The following PCLO variants were observed in gnomAD, a reference collection of about 807,000 sequenced individuals.
PCLO encodes the protein protein piccolo.
PCLO carries 82 observed loss-of-function variants against 427.5 expected under a neutral mutation model. The ratio of observed to expected loss-of-function variants is 0.19; its 90% CI spans 0.16 to 0.23. The LOEUF (loss-of-function observed/expected upper bound fraction) is 0.23, where lower values mean the gene tolerates loss of function less well. Among genes scored for constraint, PCLO ranks in the 10% least tolerant of loss-of-function variants. The pLI, the probability that PCLO is intolerant of heterozygous loss-of-function variation, is 1.00. For synonymous variants in PCLO, 2,357 were observed against 2,155.4 expected (o/e 1.09, Z -2.59); for missense variants, 6,239 against 6,115.9 (o/e 1.02, Z -0.67).
At chr7:83,077,759 T>C (rs1789993848) in intron 3 of PCLO, among the ~76,000 whole-genome samples, 1 of 152,044 alleles carries the variant, frequency 6.6e-6, no homozygotes, top group African/African-American at 2.4e-5. Flanking sequence ...ATTAATCATT[T>C]CCACAAATGG....
At chr7:83,038,071 ATT>A (rs1788869409) in intron 3 of PCLO, among the ~76,000 whole-genome samples, 8 of 45,930 alleles carry the variant, frequency 1.7e-4, no homozygotes, top group African/African-American at 7.6e-4. Flanking sequence ...ATATTTATAT[ATT>A]TATATATATA....
chr7:83,046,794 T>A (rs1789114419), intron 3 of PCLO, among the ~76,000 whole-genome samples: 1 of 151,904 alleles, frequency 6.6e-6, no homozygotes, highest in Non-Finnish European at 1.5e-5. Flanking sequence ...TCAATTTTTT[T>A]AAAAAAGAGC....
At chr7:83,087,347 T>C (rs1790263606) in intron 3 of PCLO, among the ~76,000 whole-genome samples, 1 of 151,772 alleles carries the variant, frequency 6.6e-6, no homozygotes. Context: ...TGCATATGGG[T>C]ACAACGTACA....
intron 10 of PCLO, among the ~76,000 whole-genome samples, chr7:82,856,934 C>T (rs1363169150): frequency 6.6e-6 from 1 of 151,906 alleles, no homozygotes; most frequent in East Asian, 1.9e-4. Flanking sequence ...TTAGTTATCC[C>T]AAAAGTGAGT....
chr7:83,081,482 T>C (rs1790098983), intron 3 of PCLO, among the ~76,000 whole-genome samples: 1 of 151,934 alleles, frequency 6.6e-6, no homozygotes, highest in Non-Finnish European at 1.5e-5. Flanking sequence ...ACCCAGACTA[T>C]ATTTAAATAC....
intron 9 of PCLO, chr7:82,879,774 G>A: frequency 2.3e-6 from 1 of 431,602 alleles, no homozygotes; most frequent in Non-Finnish European, 4.4e-6. Context: ...TTTTATGAGA[G>A]GATGTTCCCA....
chr7:82,968,378 T>C (rs1795826920), intron 3 of PCLO, among the ~76,000 whole-genome samples: 3 of 152,182 alleles, frequency 2.0e-5, no homozygotes, highest in Non-Finnish European at 4.4e-5. Context: ...ATGCTAAAAG[T>C]TCTAGCTCTT....
intron 9 of PCLO, among the ~76,000 whole-genome samples, chr7:82,887,646 G>A (rs988821301): frequency 6.6e-6 from 1 of 152,074 alleles, no homozygotes; most frequent in African/African-American, 2.4e-5. Context: ...TGTTTCTGTG[G>A]AACTCACCCT....
chr7:82,979,227 T>C (rs1481553988), intron 3 of PCLO, among the ~76,000 whole-genome samples: 2 of 151,352 alleles, frequency 1.3e-5, no homozygotes, highest in African/African-American at 4.9e-5. Context: ...AACATATAAA[T>C]AAATAAATAA....
rs114483865 is a variant in PCLO at position 83,138,825 on chromosome 7, C to T, written c.1894-3169G>A. On this transcript the variant is annotated intron_variant, in intron 2 of 24. Coordinates refer to ENST00000333891, the MANE Select transcript of PCLO (RefSeq NM_033026.6). The stretch of plus-strand genomic sequence containing the variant: ...GAGAACATCACACACTGGGGCCTCT[C>T]GGGGGGTGGGGAAATAGGGGGTGAT... 3.9e-3 allele frequency among the ~76,000 whole-genome samples: 565 copies of T among 143,278 alleles called. 6 individuals are homozygous for T. Among genetic ancestry groups the T allele is most frequent in the African/African-American group, 0.014 (533 of 38,384 alleles). 94.0% of individuals were successfully genotyped at this position (143,278 alleles called of 152,430 possible).
rs2116690969 is a variant in PCLO at position 83,155,697 on chromosome 7, G to A, written c.944C>T (p.Pro315Leu). The change falls in exon 2 of 25, where the codon CCA becomes CTA. Residue 315 changes from proline (P) to leucine (L), a missense_variant. Pro to Leu is a moderately conservative substitution (Grantham distance 98). Coordinates refer to ENST00000333891, the MANE Select transcript of PCLO (RefSeq NM_033026.6). ...PIQQPTPGKP[P>L]AQQPGHEKSQ... ...TTTTTCATGTCCAGGCTGCTGTGCT[G>A]GAGGTTTTCCAGGAGTTGGTTGCTG... 1 of 1,614,002 alleles carries A rather than the reference G, an allele frequency of 6.2e-7. No homozygotes were observed. The highest frequency in any genetic ancestry group is 1.3e-5 in the African/African-American group (1 of 75,046).
At chr7:82,866,698 C>CA in intron 10 of PCLO, among the ~76,000 whole-genome samples, 1 of 141,114 alleles carries the variant, frequency 7.1e-6, no homozygotes, top group African/African-American at 2.5e-5. Flanking sequence ...ACACACACAC[C>CA]CCTTTAATAT....
chr7:83,155,327 C>T lies in PCLO; in HGVS notation c.1314G>A (p.Lys438=). 1 of 1,613,408 alleles carries T rather than the reference C, an allele frequency of 6.2e-7. No individual in the cohort carries two copies. The highest frequency in any genetic ancestry group is 1.3e-5 in the African/African-American group (1 of 74,818). ...CTGGCCCAGGCTGCTGAACTGGAGT[C>T]TTTGTAGGCCCAGGTGCCTTAGCTG... ...QSPAKAPGPT[K]TPVQQPGPGK... is the part of the protein sequence containing the mutation. Residue 438 remains lysine, a synonymous_variant, in exon 2 of 25, where the codon AAG becomes AAA. Coordinates refer to ENST00000333891, the MANE Select transcript of PCLO (RefSeq NM_033026.6).
chr7:82,771,715 T>A (rs964526903), intron 22 of PCLO, among the ~76,000 whole-genome samples: 1 of 152,094 alleles, frequency 6.6e-6, no homozygotes, highest in Non-Finnish European at 1.5e-5. Flanking sequence ...TAATCTATTA[T>A]GTGATAATAA....
At chr7:82,802,461 G>T (rs1360815333) in intron 21 of PCLO, among the ~76,000 whole-genome samples, 1 of 152,042 alleles carries the variant, frequency 6.6e-6, no homozygotes, top group East Asian at 1.9e-4. Context: ...ATACTTTGAG[G>T]ACTGTAAGCT....
intron 6 of PCLO, among the ~76,000 whole-genome samples, chr7:82,942,056 G>GT (rs1795099526): frequency 6.6e-6 from 1 of 152,178 alleles, no homozygotes; most frequent in South Asian, 2.1e-4. Context: ...GCGGGTGCCT[G>GT]TATTCCCAGC....
intron 16 of PCLO, among the ~76,000 whole-genome samples, chr7:82,834,536 T>C (rs1792178007): frequency 6.6e-6 from 1 of 152,208 alleles, no homozygotes; most frequent in Non-Finnish European, 1.5e-5. Flanking sequence ...GTAGTAAATA[T>C]GTGAAATTTT....
chr7:83,120,402 G>GGAAA (rs1554400504), intron 3 of PCLO, among the ~76,000 whole-genome samples: 1 of 80,792 alleles, frequency 1.2e-5, no homozygotes, highest in Non-Finnish European at 2.4e-5. Flanking sequence ...CTCTGCCTCA[G>GGAAA]AAAAAAAAAA....
chr7:82,937,236 A>C (rs572986025), intron 6 of PCLO, among the ~76,000 whole-genome samples: 1 of 151,778 alleles, frequency 6.6e-6, no homozygotes, highest in African/African-American at 2.4e-5. Flanking sequence ...AAACCTATTC[A>C]CATTTTAAAA....
Sources: gnomAD v4.1 joint callset for allele counts (sites outside exome capture counted in the v4.1 genomes callset) on GRCh38, gnomAD v4.1.1 for gene constraint, MANE v1.5 for transcripts, NCBI Gene and HGNC (gene_info 2026-07-23, HGNC 2026-07-21) for gene names.